The following OPRM1 variants were observed in gnomAD, a reference collection of about 807,000 sequenced individuals.
OPRM1 encodes the protein opioid receptor mu 1, also known as mu-type opioid receptor.
A neutral mutation model predicts 31.8 loss-of-function variants in OPRM1; 27 were observed. The observed-to-expected ratio is 0.85, with a 90% CI of 0.63 to 1.17. The LOEUF is 1.17. Among genes scored for constraint, OPRM1 ranks in the 50% most tolerant of loss-of-function variants. The pLI is 0.00. For synonymous variants in OPRM1, 196 were observed against 189.9 expected, an observed-to-expected ratio of 1.03 and a Z score of -0.26; for missense variants, 536 against 511.1, an observed-to-expected ratio of 1.05 and a Z score of -0.47.
chr6:154,052,323 T>G (rs1314365943), intron 1 of OPRM1, among the ~76,000 whole-genome samples: 1 of 152,186 alleles, frequency 6.6e-6, no homozygotes, highest in Non-Finnish European at 1.5e-5. Flanking sequence ...TGCATATGTA[T>G]CTTGGAACTT....
intron 3 of OPRM1, among the ~76,000 whole-genome samples, chr6:154,226,648 A>G (rs2128621439): frequency 6.6e-6 from 1 of 152,120 alleles, no homozygotes; most frequent in Admixed American, 6.5e-5. Context: ...CTTCTCTATA[A>G]TTCTGCTGTT....
At chr6:154,220,858 G>A (rs751276928) in intron 3 of OPRM1, among the ~76,000 whole-genome samples, 2 of 152,198 alleles carry the variant, frequency 1.3e-5, no homozygotes, top group Admixed American at 6.5e-5. Flanking sequence ...TGATAAATAC[G>A]TGAATCATCA....
intron 3 of OPRM1, among the ~76,000 whole-genome samples, chr6:154,193,771 T>A (rs1222328681): frequency 1.3e-5 from 2 of 152,182 alleles, no homozygotes; most frequent in African/African-American, 4.8e-5. Context: ...CTGTGACAGG[T>A]CACTTTGGCT....
At chr6:154,109,154 G>A (rs1425919274) in intron 3 of OPRM1, 9 of 451,300 alleles carry the variant, frequency 2.0e-5, no homozygotes, top group Non-Finnish European at 2.6e-5. Context: ...TAACCAAGAT[G>A]GCAGAGGGAA....
chr6:154,021,600 TTCTC>T lies in OPRM1; in HGVS notation c.-1+10584_-1+10587del, dbSNP rs200321053. ...CTTCTTATCCAAAAACATGGAATCT[TTCTC>T]TATTTATTTAGCTTTTAATTTCTTC... On this transcript the variant is annotated intron_variant, in intron 1 of 5. Coordinates refer to the OPRM1 transcript ENST00000434900. Among the ~76,000 whole-genome samples, 868 of 152,296 alleles carry T rather than the reference TTCTC, an allele frequency of 5.7e-3. 6 individuals are homozygous for T. Among genetic ancestry groups the T allele is most frequent in the African/African-American group, 0.02 (825 of 41,570 alleles).
intron 3 of OPRM1, among the ~76,000 whole-genome samples, chr6:154,188,427 T>A (rs1038568751): frequency 6.6e-6 from 1 of 152,196 alleles, no homozygotes; most frequent in African/African-American, 2.4e-5. Context: ...GATTTCTGTT[T>A]CCCCCAGATT....
chr6:154,119,537 C>G lies in OPRM1; in HGVS notation c.*816C>G. 1 of 634,466 alleles carries G rather than the reference C, an allele frequency of 1.6e-6. No individual in the cohort carries two copies. The highest frequency in any genetic ancestry group is 2.0e-6 in the Non-Finnish European group (1 of 509,604). The allele number at this position is 634,466 out of a possible 1,614,324, so 39.3% of individuals were successfully genotyped here. A position where few individuals can be genotyped will look rare whatever the true frequency, so the allele number is the denominator to read the frequency against. The stretch of plus-strand genomic sequence containing the variant: ...ATAGTCAATGAGCTCATCACTTCAT[C>G]CATGCAGGAAGTCAAGCATTAAAAT... On this transcript the variant is annotated 3_prime_UTR_variant, in exon 4 of 4. Transcript: ENST00000330432.
At position 154,119,378 on chromosome 6, in the gene OPRM1, G is replaced by A. The variant is rs991774719; in HGVS notation, c.*657G>A. On this transcript the variant is annotated 3_prime_UTR_variant, in exon 4 of 4. Transcript: ENST00000330432. ...ACAGTCATGTGTCAGCTGTAGAAAG[G>A]TTGATTCTCATGCACTGCAAATACT... The A allele has an allele frequency of 7.2e-5, 71 of 985,222 alleles. No homozygotes were observed. Among genetic ancestry groups the A allele is most frequent in the Middle Eastern group, 1.0e-3 (2 of 1,934 alleles). The allele number at this position is 985,222 out of a possible 1,614,324, so 61.0% of individuals were successfully genotyped here.
At chr6:154,223,319 G>A (rs548471826) in intron 3 of OPRM1, 1 of 1,087,564 alleles carries the variant, frequency 9.2e-7, no homozygotes, top group Admixed American at 1.9e-5. Flanking sequence ...CATATACATG[G>A]AATAGGGATG....
chr6:154,099,308 A>AATGAAGG (rs1562469644), intron 3 of OPRM1, among the ~76,000 whole-genome samples: 8 of 87,174 alleles, frequency 9.2e-5, no homozygotes, highest in African/African-American at 4.1e-4. Context: ...AGGAAGGAAG[A>AATGAAGG]AAGGAAGGAA....
intron 3 of OPRM1, among the ~76,000 whole-genome samples, chr6:154,182,434 A>G (rs1447195222): frequency 6.6e-6 from 1 of 152,332 alleles, no homozygotes; most frequent in Non-Finnish European, 1.5e-5. Flanking sequence ...AGTTGACTCC[A>G]TTGCTCAACT....
intron 3 of OPRM1, among the ~76,000 whole-genome samples, chr6:154,194,322 G>A (rs1007990859): frequency 5.9e-5 from 9 of 152,040 alleles, no homozygotes; most frequent in African/African-American, 1.7e-4. Context: ...TCACTTGAAC[G>A]CAGGAGGCAG....
intron 3 of OPRM1, among the ~76,000 whole-genome samples, chr6:154,113,407 G>A (rs1180673879): frequency 1.3e-5 from 2 of 152,094 alleles, no homozygotes; most frequent in African/African-American, 4.8e-5. Context: ...GAACCAAATA[G>A]CAACCTCCAC....
chr6:154,146,297 C>T (rs1270877535), intron 3 of OPRM1, among the ~76,000 whole-genome samples: 3 of 152,148 alleles, frequency 2.0e-5, no homozygotes, highest in Admixed American at 6.6e-5. Context: ...CTACTCAGGA[C>T]GCTGAGGCAC....
chr6:154,159,203 G>C (rs548804162), intron 3 of OPRM1: 27 of 152,928 alleles, frequency 1.8e-4, no homozygotes, highest in African/African-American at 6.5e-4. Context: ...ACACCAAGCT[G>C]TCCTTTGAAT....
intron 1 of OPRM1, among the ~76,000 whole-genome samples, chr6:154,050,190 G>T (rs1781917914): frequency 6.6e-6 from 1 of 152,078 alleles, no homozygotes. Flanking sequence ...ACTTGTTATT[G>T]ATCTATTCAG....
chr6:154,079,567 G>A (rs1181173032), intron 1 of OPRM1, among the ~76,000 whole-genome samples: 3 of 152,118 alleles, frequency 2.0e-5, no homozygotes, highest in Admixed American at 1.3e-4. Context: ...GTAAGAAGAC[G>A]ATAGAAAATC....
At chr6:154,011,591 T>C (rs1777731978) in intron 1 of OPRM1, among the ~76,000 whole-genome samples, 1 of 152,174 alleles carries the variant, frequency 6.6e-6, no homozygotes, top group Non-Finnish European at 1.5e-5. Context: ...AAAAAATACA[T>C]ATTTTTCAAT....
At chr6:154,197,817 A>C (rs1464218086) in intron 3 of OPRM1, among the ~76,000 whole-genome samples, 1 of 152,214 alleles carries the variant, frequency 6.6e-6, no homozygotes, top group Non-Finnish European at 1.5e-5. Flanking sequence ...AGCTATGCTC[A>C]TCCTGGGGGG....
Sources: allele counts gnomAD v4.1 joint callset (sites outside exome capture counted in the v4.1 genomes callset), GRCh38; gene constraint gnomAD v4.1.1; transcripts MANE v1.5; gene names NCBI Gene and HGNC (gene_info 2026-07-23, HGNC 2026-07-21).